The following RGS7BP variants were observed in gnomAD, a reference collection of about 807,000 sequenced individuals.
RGS7BP encodes the protein regulator of G protein signaling 7-binding protein.
Under a neutral mutation model 31.3 loss-of-function variants are expected in RGS7BP, and 9 were observed. That is an observed-to-expected ratio of 0.29 (90% CI 0.17 to 0.50). The LOEUF (loss-of-function observed/expected upper bound fraction) is 0.50. Among genes scored for constraint, RGS7BP ranks in the 20% least tolerant of loss-of-function variants. RGS7BP has a pLI of 0.98. For synonymous variants in RGS7BP, 115 were observed against 120.1 expected, an observed-to-expected ratio of 0.96 and a Z score of 0.28; for missense variants, 274 against 322.0, an observed-to-expected ratio of 0.85 and a Z score of 1.14.
intron 2 of RGS7BP, among the ~76,000 whole-genome samples, chr5:64,544,539 T>C (rs1741603544): frequency 6.7e-6 from 1 of 149,968 alleles, no homozygotes; most frequent in African/African-American, 2.4e-5. Flanking sequence ...CCAAGGGTAG[T>C]GGTGCATGCC....
chr5:64,589,844 A>G (rs1190842494), intron 3 of RGS7BP, among the ~76,000 whole-genome samples: 2 of 151,618 alleles, frequency 1.3e-5, no homozygotes, highest in Admixed American at 1.3e-4. Flanking sequence ...AGAGGATCAC[A>G]TAAGCCCAGG....
At chr5:64,564,105 T>A (rs754891313) in intron 2 of RGS7BP, among the ~76,000 whole-genome samples, 1 of 152,140 alleles carries the variant, frequency 6.6e-6, no homozygotes, top group African/African-American at 2.4e-5. Context: ...TTAGCCAAGA[T>A]TGAAGTGGTT....
intron 3 of RGS7BP, among the ~76,000 whole-genome samples, chr5:64,588,273 G>A (rs752265222): frequency 2.6e-5 from 4 of 152,106 alleles, no homozygotes; most frequent in Non-Finnish European, 4.4e-5. Context: ...TTGCAAAATG[G>A]GGCACTGACT....
chr5:64,521,460 T>A (rs1029127673), intron 2 of RGS7BP, among the ~76,000 whole-genome samples: 2 of 152,178 alleles, frequency 1.3e-5, no homozygotes, highest in African/African-American at 4.8e-5. Flanking sequence ...TTTCACCATG[T>A]TGGCCAGGCT....
rs1232559818 is a variant in RGS7BP, at chr5:64,593,618, A to G, written c.464-1092A>G. Reference sequence around the variant, plus strand: ...GCTACCCTTTTTTCCAGACTACATAATGTTATACAACAGCTTTGTAATTAT... The same window carrying G: ...GCTACCCTTTTTTCCAGACTACATAGTGTTATACAACAGCTTTGTAATTAT... On this transcript the variant is annotated intron_variant, in intron 3 of 5. Coordinates refer to ENST00000334025, the MANE Select transcript of RGS7BP (RefSeq NM_001029875.3). 3.3e-5 allele frequency among the ~76,000 whole-genome samples: 5 copies of G among 152,308 alleles called. No homozygotes were observed. In the South Asian group the frequency reaches 8.3e-4, roughly 25 times the overall value.
chr5:64,559,343 G>A (rs1741998387), intron 2 of RGS7BP, among the ~76,000 whole-genome samples: 1 of 152,152 alleles, frequency 6.6e-6, no homozygotes. Flanking sequence ...CCCGATAGTG[G>A]TTGGATGTTT....
At chr5:64,598,492 G>A in intron 5 of RGS7BP, 57 bp downstream of exon 5, 2 of 1,064,082 alleles carry the variant, frequency 1.9e-6, no homozygotes, top group Non-Finnish European at 2.9e-6. Context: ...ATAACCTTGG[G>A]AATTGTTTCT....
chr5:64,550,340 C>T (rs779578180), intron 2 of RGS7BP, among the ~76,000 whole-genome samples: 1 of 152,170 alleles, frequency 6.6e-6, no homozygotes, highest in Non-Finnish European at 1.5e-5. Context: ...CACTATCTCA[C>T]TGTATTCTCA....
At chr5:64,578,551 T>C (rs559694434) in intron 3 of RGS7BP, among the ~76,000 whole-genome samples, 1 of 152,210 alleles carries the variant, frequency 6.6e-6, no homozygotes, top group South Asian at 2.1e-4. Context: ...CCTCTACCCT[T>C]TGAGACCAAA....
intron 2 of RGS7BP, among the ~76,000 whole-genome samples, chr5:64,566,591 A>T (rs890409486): frequency 6.6e-6 from 1 of 152,112 alleles, no homozygotes; most frequent in Non-Finnish European, 1.5e-5. Context: ...TCTCATTAGC[A>T]TCTTAAATCT....
chr5:64,566,201 C>T (rs371538339), intron 2 of RGS7BP, among the ~76,000 whole-genome samples: 6 of 152,240 alleles, frequency 3.9e-5, no homozygotes, highest in East Asian at 3.9e-4. Context: ...TGCCAACTTA[C>T]TACCCTCTTC....
intron 2 of RGS7BP, among the ~76,000 whole-genome samples, chr5:64,512,105 C>A (rs889709589): frequency 6.6e-6 from 1 of 152,172 alleles, no homozygotes; most frequent in Non-Finnish European, 1.5e-5. Flanking sequence ...ACTGCTATGG[C>A]TGGGGGGCTG....
intron 2 of RGS7BP, among the ~76,000 whole-genome samples, chr5:64,531,203 T>C (rs746045328): frequency 1.3e-5 from 2 of 152,200 alleles, no homozygotes; most frequent in Admixed American, 6.5e-5. Context: ...GGAAGAAGGA[T>C]TGAATGTAAG....
At chr5:64,510,783 A>T (rs1452346420) in intron 2 of RGS7BP, among the ~76,000 whole-genome samples, 1 of 152,208 alleles carries the variant, frequency 6.6e-6, no homozygotes, top group Non-Finnish European at 1.5e-5. Flanking sequence ...TATTTTCTAC[A>T]TATGTAGCTT....
At chr5:64,533,068 G>A (rs903179709) in intron 2 of RGS7BP, among the ~76,000 whole-genome samples, 2 of 152,116 alleles carry the variant, frequency 1.3e-5, no homozygotes, top group Non-Finnish European at 2.9e-5. Flanking sequence ...AACAGCTTCT[G>A]GATGCCACCC....
intron 2 of RGS7BP, chr5:64,539,808 A>G (rs962232626): frequency 3.9e-5 from 6 of 152,134 alleles, no homozygotes; most frequent in African/African-American, 1.4e-4. Context: ...AAAAAATTTA[A>G]AGTTTATTGT....
intron 2 of RGS7BP, among the ~76,000 whole-genome samples, chr5:64,570,471 T>C (rs1035674722): frequency 1.3e-5 from 2 of 152,196 alleles, no homozygotes; most frequent in African/African-American, 4.8e-5. Flanking sequence ...TCATTATGTC[T>C]CACTCCATTC....
intron 2 of RGS7BP, among the ~76,000 whole-genome samples, chr5:64,551,573 T>C (rs1266778425): frequency 2.0e-5 from 3 of 151,886 alleles, no homozygotes; most frequent in East Asian, 1.9e-4. Flanking sequence ...ATTAAGACTA[T>C]AGAGTGTGCT....
At chr5:64,550,609 T>C (rs1741769594) in intron 2 of RGS7BP, among the ~76,000 whole-genome samples, 1 of 151,944 alleles carries the variant, frequency 6.6e-6, no homozygotes, top group Admixed American at 6.5e-5. Context: ...CTTTAAGTTT[T>C]AGGGTACATG....
Sources: allele counts gnomAD v4.1 joint callset (sites outside exome capture counted in the v4.1 genomes callset), GRCh38; gene constraint gnomAD v4.1.1; transcripts MANE v1.5; gene names NCBI Gene and HGNC (gene_info 2026-07-23, HGNC 2026-07-21).